The following CYREN variants were observed in gnomAD, a reference collection of about 807,000 sequenced individuals.
CYREN encodes the protein cell cycle regulator of NHEJ, also known as cell cycle regulator of non-homologous end joining.
A neutral mutation model predicts 9.7 loss-of-function variants in CYREN; 7 were observed. The ratio of observed to expected loss-of-function variants is 0.72; its 90% CI spans 0.41 to 1.36. The LOEUF is 1.36. Ranked by LOEUF, CYREN falls within the 40% of genes most tolerant of loss-of-function variation. CYREN has a pLI of 0.01. For missense variants in CYREN, 215 were observed against 198.1 expected (o/e 1.09, Z -0.51); for synonymous variants, 76 against 77.9 (o/e 0.98, Z 0.13).
intron 2 of CYREN, among the ~76,000 whole-genome samples, chr7:135,096,257 C>A (rs1822673851): frequency 6.6e-6 from 1 of 151,732 alleles, no homozygotes; most frequent in Admixed American, 6.6e-5. Context: ...GATCATGTTT[C>A]CTAAGAGTTC....
chr7:135,131,969 C>T (rs986482599), intron 2 of CYREN, among the ~76,000 whole-genome samples: 3 of 152,072 alleles, frequency 2.0e-5, no homozygotes, highest in Admixed American at 6.5e-5. Flanking sequence ...ACTACCCCAA[C>T]TCATTCAATA....
intron 2 of CYREN, chr7:135,115,693 C>T (rs572746285): frequency 1.2e-4 from 137 of 1,176,896 alleles, no homozygotes; most frequent in Non-Finnish European, 1.3e-4. Context: ...TATTATCCTA[C>T]GAAAAAAAAA....
At chr7:135,134,970 C>A (rs1007218712) in intron 2 of CYREN, 4 of 1,551,078 alleles carry the variant, frequency 2.6e-6, no homozygotes, top group Non-Finnish European at 3.5e-6. Context: ...CTAAGCCCCA[C>A]AGGTCATTGG....
chr7:135,092,896 T>C (rs902416305), exon 3 of CYREN: 15 of 152,138 alleles, frequency 9.9e-5, no homozygotes, highest in African/African-American at 3.4e-4. Context: ...CAATATAATA[T>C]ACCATGTTAA....
In CYREN at chr7:135,099,167, G is replaced by T. The variant is rs149208873; in HGVS notation, n.357-4585C>A. 5.4e-3 allele frequency among the ~76,000 whole-genome samples: 697 copies of T among 129,804 alleles called. 3 individuals are homozygous for T. Among genetic ancestry groups the T allele is most frequent in the African/African-American group, 0.018 (667 of 37,052 alleles). 85.2% of individuals were successfully genotyped at this position (129,804 alleles called of 152,430 possible). ...ATATGTTAGACTATTTTTTGGTCTG[G>T]TATATCTGTGTCCTAGATTGGCTCT... is the stretch of plus-strand genomic sequence containing the variant. On this transcript the variant is annotated intron_variant and non_coding_transcript_variant, in intron 2 of 2. Coordinates refer to the CYREN transcript ENST00000459937.
At chr7:135,094,689 A>G in intron 2 of CYREN, 1 of 363,262 alleles carries the variant, frequency 2.8e-6, no homozygotes, top group Non-Finnish European at 5.4e-6. Context: ...GAAAATCAAT[A>G]GGTTAGAGAC....
chr7:135,155,812 C>T (rs1829778370), intron 2 of CYREN, among the ~76,000 whole-genome samples: 1 of 152,234 alleles, frequency 6.6e-6, no homozygotes, highest in African/African-American at 2.4e-5. Context: ...GATTGCACTA[C>T]TGTATTCCAG....
intron 2 of CYREN, among the ~76,000 whole-genome samples, chr7:135,145,020 G>A (rs1829521860): frequency 7.0e-6 from 1 of 143,048 alleles, no homozygotes; most frequent in South Asian, 2.2e-4. Context: ...TGGCAAACTG[G>A]ATACACATTC....
intron 2 of CYREN, chr7:135,099,882 CTTTTTTTTTTTTT>C (rs34324217): frequency 4.8e-5 from 3 of 62,700 alleles, no homozygotes; most frequent in African/African-American, 1.9e-4. Context: ...CTGAGTTTCT[CTTTTTTTTTTTTT>C]TTTTTTTTTT....
intron 2 of CYREN, among the ~76,000 whole-genome samples, chr7:135,108,676 G>C (rs1187759177): frequency 6.6e-6 from 1 of 152,024 alleles, no homozygotes; most frequent in Non-Finnish European, 1.5e-5. Flanking sequence ...TGTGTCTTGG[G>C]AATGATCTTC....
At chr7:135,096,113 C>T (rs978854598) in intron 2 of CYREN, among the ~76,000 whole-genome samples, 2 of 151,538 alleles carry the variant, frequency 1.3e-5, no homozygotes, top group South Asian at 2.1e-4. Context: ...GATCATGCCA[C>T]TGCACTCCAG....
At chr7:135,171,894 C>T (rs1415117619), upstream of CYREN, among the ~76,000 whole-genome samples, 2 of 152,264 alleles carry the variant, frequency 1.3e-5, no homozygotes, top group African/African-American at 4.8e-5. Context: ...CAGCGCATAG[C>T]AGGCTCCCGA....
chr7:135,142,917 A>G (rs903484290), intron 2 of CYREN, among the ~76,000 whole-genome samples: 2 of 152,328 alleles, frequency 1.3e-5, no homozygotes, highest in Admixed American at 6.5e-5. Flanking sequence ...ATAGATCCCA[A>G]TTAAAATCCC....
chr7:135,109,213 G>T (rs10227588), intron 2 of CYREN, among the ~76,000 whole-genome samples: 73,743 of 152,010 alleles, frequency 0.49, 18,264 homozygotes, highest in South Asian at 0.66. Context: ...TAAGAACCCT[G>T]GTTGGAGAAC....
At chr7:135,128,159 G>T (rs1828159690) in intron 2 of CYREN, among the ~76,000 whole-genome samples, 1 of 151,836 alleles carries the variant, frequency 6.6e-6, no homozygotes, top group Non-Finnish European at 1.5e-5. Flanking sequence ...AGGTGTGGTG[G>T]TGAGTGCCTG....
chr7:135,112,725 A>C (rs1825811289), intron 2 of CYREN, among the ~76,000 whole-genome samples: 1 of 152,150 alleles, frequency 6.6e-6, no homozygotes, highest in Non-Finnish European at 1.5e-5. Context: ...TTTCACATCT[A>C]TTTACCAAAC....
upstream of CYREN, among the ~76,000 whole-genome samples, chr7:135,171,952 T>G (rs567146416): frequency 1.3e-5 from 2 of 152,348 alleles, no homozygotes; most frequent in Admixed American, 6.5e-5. Flanking sequence ...GCACTTGAAG[T>G]CCAGACATCT....
At chr7:135,122,708 C>T (rs995851896) in intron 2 of CYREN, among the ~76,000 whole-genome samples, 1 of 152,160 alleles carries the variant, frequency 6.6e-6, no homozygotes, top group Non-Finnish European at 1.5e-5. Context: ...TATTCTCCAG[C>T]CTCCTTGAGT....
intron 2 of CYREN, chr7:135,128,318 A>C (rs546377995): frequency 0.018 from 3,019 of 170,024 alleles, 56 homozygotes; most frequent in Non-Finnish European, 0.026. Context: ...AAAAAAAAAA[A>C]ACGAAAAAAA....
Sources: gnomAD v4.1 joint callset for allele counts (sites outside exome capture counted in the v4.1 genomes callset) on GRCh38, gnomAD v4.1.1 for gene constraint, MANE v1.5 for transcripts, NCBI Gene and HGNC (gene_info 2026-07-23, HGNC 2026-07-21) for gene names.